CDH23: variants seen among roughly 807,000 people sequenced by gnomAD.
The protein encoded by CDH23 is cadherin-23.
CDH23 carries 189 observed loss-of-function variants against 317.1 expected under a neutral mutation model. That is an observed-to-expected ratio of 0.60 (90% CI 0.53 to 0.67). CDH23 has a LOEUF of 0.67. CDH23 is among the 30% of genes least tolerant of loss of function. CDH23 has a pLI of 0.00. For missense variants in CDH23, 4,401 were observed against 4,592.4 expected, an observed-to-expected ratio of 0.96 and a Z score of 1.20; for synonymous variants, 1,839 against 1,876.8, an observed-to-expected ratio of 0.98 and a Z score of 0.52.
chr10:71,761,720 G>T (rs1001283730), intron 38 of CDH23: 3 of 1,614,016 alleles, frequency 1.9e-6, no homozygotes, highest in African/African-American at 2.7e-5. Context: ...CATGGTGATG[G>T]AGAAGTTGCC....
intron 22 of CDH23, among the ~76,000 whole-genome samples, chr10:71,698,262 A>G (rs1865463878): frequency 6.6e-6 from 1 of 152,200 alleles, no homozygotes; most frequent in African/African-American, 2.4e-5. Context: ...ATTATTTCCA[A>G]TTTTATAGCC....
chr10:71,639,098 G>C (rs1419015932), intron 11 of CDH23, among the ~76,000 whole-genome samples: 1 of 152,212 alleles, frequency 6.6e-6, no homozygotes, highest in Non-Finnish European at 1.5e-5. Flanking sequence ...GCCTCCCCGC[G>C]GGCAGCTGCC....
At chr10:71,702,344 G>T (rs530702119) in intron 23 of CDH23, 133 bp downstream of exon 23, 1 of 1,161,172 alleles carries the variant, frequency 8.6e-7, no homozygotes, top group Admixed American at 2.0e-5. Flanking sequence ...TAATACCCAC[G>T]CCCCAGTTGT....
chr10:71,526,498 G>A (rs1229669856), intron 6 of CDH23, among the ~76,000 whole-genome samples: 1 of 152,232 alleles, frequency 6.6e-6, no homozygotes, highest in African/African-American at 2.4e-5. Flanking sequence ...GGAGGAAGGG[G>A]CAGGGCACAG....
At chr10:71,768,300 A>C (rs558574942) in intron 38 of CDH23, among the ~76,000 whole-genome samples, 32 of 152,134 alleles carry the variant, frequency 2.1e-4, no homozygotes, top group African/African-American at 7.5e-4. Context: ...CCTCCCGAGT[A>C]GCTGGGACTA....
At chr10:71,772,697 C>T (rs1840715257) in intron 38 of CDH23, among the ~76,000 whole-genome samples, 2 of 152,252 alleles carry the variant, frequency 1.3e-5, no homozygotes, top group Admixed American at 1.3e-4. Context: ...GAGTGTCCCA[C>T]ATCCTCCCCA....
chr10:71,447,788 G>T (rs1850243609), intron 3 of CDH23, among the ~76,000 whole-genome samples: 1 of 152,188 alleles, frequency 6.6e-6, no homozygotes, highest in Non-Finnish European at 1.5e-5. Flanking sequence ...GGATTGGGTT[G>T]AGGGATATTT....
At chr10:71,445,847 CAAAA>C (rs34460284) in intron 2 of CDH23, among the ~76,000 whole-genome samples, 2 of 92,022 alleles carry the variant, frequency 2.2e-5, no homozygotes, top group Non-Finnish European at 4.1e-5. Context: ...GACTCTGTCT[CAAAA>C]AAAAAAAAAA....
chr10:71,778,348 T>C (rs770629393), intron 40 of CDH23, 40 bp downstream of exon 40: 1 of 1,612,222 alleles, frequency 6.2e-7, no homozygotes, highest in South Asian at 1.1e-5. Context: ...GGCTTGGAGG[T>C]TGGCGAAGGA....
chr10:71,779,273 G>A lies in CDH23; in HGVS notation c.5194G>A (p.Val1732Met), dbSNP rs1840892683. 2 of 1,614,024 alleles carry A rather than the reference G, an allele frequency of 1.2e-6. No homozygotes were observed. Among genetic ancestry groups the A allele is most frequent in the Non-Finnish European group, 1.7e-6 (2 of 1,179,892 alleles). Residue 1732 changes from valine (V) to methionine (M), a missense_variant, in exon 41 of 70, where the codon GTG becomes ATG. By Grantham distance (21) the Val-to-Met change is conservative. Around this residue, in one of 3 missense-constraint regions of CDH23, gnomAD observed 3,068 missense variants for 3,203.3 expected, o/e 0.96. Coordinates refer to ENST00000224721, the MANE Select transcript of CDH23 (RefSeq NM_022124.6). The stretch of plus-strand genomic sequence containing the variant: ...AGCTTTTCCACCATCTCAGGTGCTT[G>A]TGAATGTGAATGACATCAACGACAA... Reference protein sequence around the residue: ...HRLTSTTTVLVNVNDINDNVP... With the variant: ...HRLTSTTTVLMNVNDINDNVP...
chr10:71,710,050 T>C (rs1334075675), intron 27 of CDH23, among the ~76,000 whole-genome samples: 3 of 152,142 alleles, frequency 2.0e-5, no homozygotes, highest in Non-Finnish European at 4.4e-5. Flanking sequence ...GCCCCCATGA[T>C]TCAATGATCT....
chr10:71,555,290 C>T (rs1011252485), intron 6 of CDH23, among the ~76,000 whole-genome samples: 21 of 152,114 alleles, frequency 1.4e-4, no homozygotes, highest in African/African-American at 4.1e-4. Flanking sequence ...GCGCTGGGGC[C>T]AGGGTGGGTA....
intron 12 of CDH23, among the ~76,000 whole-genome samples, chr10:71,644,613 G>A (rs1196131038): frequency 6.6e-6 from 1 of 152,132 alleles, no homozygotes; most frequent in Non-Finnish European, 1.5e-5. Context: ...GGGTGACCTC[G>A]CAGCCACCCT....
rs764091411 is a variant in CDH23 at position 71,690,599 on chromosome 10, C to T, written c.2176+15C>T. 1 of 1,542,768 alleles carries T rather than the reference C, an allele frequency of 6.5e-7. No homozygotes were observed. The highest frequency in any genetic ancestry group is 1.2e-5 in the South Asian group (1 of 84,746). ...TGCCCGCTCAGGTGAGCCCCCCCAC[C>T]CCAAGTACCCTGGTCCTCCACACCC... On this transcript the variant is annotated intron_variant, in intron 20 of 69. Coordinates refer to ENST00000224721, the MANE Select transcript of CDH23 (RefSeq NM_022124.6).
rs79267977 is a variant in CDH23 at position 71,709,226 on chromosome 10, C to T, written c.3220+15C>T. 1,203 of 1,603,778 alleles carry T rather than the reference C, an allele frequency of 7.5e-4. 2 individuals are homozygous for T. In the African/African-American group the frequency reaches 0.012, roughly 15 times the overall value. The stretch of plus-strand genomic sequence containing the variant: ...GGAGGCCATCGGTATGCACCAGTCC[C>T]GCACCCACCAACACAGTGATCTGGG... On this transcript the variant is annotated intron_variant, in intron 27 of 69. Coordinates refer to ENST00000224721, the MANE Select transcript of CDH23 (RefSeq NM_022124.6).
At chr10:71,759,244 G>A (rs1176462157) in intron 38 of CDH23, among the ~76,000 whole-genome samples, 1 of 151,930 alleles carries the variant, frequency 6.6e-6, no homozygotes, top group Non-Finnish European at 1.5e-5. Context: ...CACCCTGTTG[G>A]CCAGGCTGGT....
chr10:71,430,784 C>T (rs941025585), intron 1 of CDH23, among the ~76,000 whole-genome samples: 8 of 152,146 alleles, frequency 5.3e-5, no homozygotes, highest in African/African-American at 1.9e-4. Context: ...CGCGCCACTG[C>T]ACTCCAGCCT....
intron 17 of CDH23, among the ~76,000 whole-genome samples, chr10:71,681,308 CCCCA>C (rs1731061055): frequency 6.6e-6 from 1 of 152,252 alleles, no homozygotes; most frequent in African/African-American, 2.4e-5. Context: ...CTCCCATGCC[CCCCA>C]CTCCCAAGCC....
chr10:71,772,894 G>A (rs2132915002), intron 38 of CDH23, among the ~76,000 whole-genome samples: 1 of 152,306 alleles, frequency 6.6e-6, no homozygotes, highest in East Asian at 1.9e-4. Flanking sequence ...TTTCACCAGG[G>A]CATGGGGCAC....
Sources: gnomAD v4.1 joint callset for allele counts (sites outside exome capture counted in the v4.1 genomes callset) on GRCh38, gnomAD v4.1.1 for gene constraint, gnomAD v4.1.1 regional missense constraint, MANE v1.5 for transcripts, NCBI Gene and HGNC (gene_info 2026-07-23, HGNC 2026-07-21) for gene names.